KLHL8: variants seen among roughly 807,000 people sequenced by gnomAD.
KLHL8 encodes the protein kelch-like protein 8.
Under a neutral mutation model 63.5 loss-of-function variants are expected in KLHL8, and 38 were observed. The ratio of observed to expected loss-of-function variants is 0.60; its 90% confidence interval spans 0.46 to 0.78. The LOEUF (loss-of-function observed/expected upper bound fraction) is 0.78. KLHL8 is among the 30% of genes least tolerant of loss of function. The probability of loss-of-function intolerance (pLI) is 0.00; values close to 1 mark genes in which losing one functional copy is unlikely to be tolerated. For missense variants in KLHL8, 566 were observed against 752.4 expected (o/e 0.75, Z 2.90); for synonymous variants, 224 against 254.3 (o/e 0.88, Z 1.13).
chr4:87,226,874 T>A (rs1402718998), intron 1 of KLHL8, among the ~76,000 whole-genome samples: 1 of 40,558 alleles, frequency 2.5e-5, no homozygotes, highest in Non-Finnish European at 4.1e-5. Flanking sequence ...ATATTATATA[T>A]AAATAATATA....
chr4:87,191,962 G>C (rs1731511779), intron 2 of KLHL8, among the ~76,000 whole-genome samples: 1 of 152,078 alleles, frequency 6.6e-6, no homozygotes, highest in Admixed American at 6.6e-5. Flanking sequence ...CTATGGTTGT[G>C]TAGTATTCCA....
chr4:87,195,460 AT>A lies in KLHL8; in HGVS notation c.79del (p.Ile27Ter). Reference protein sequence around the residue: ...KGKRQQQHQQIKNRSSISDGD... With the variant: ...KGKRQQQHQQXKNRSSISDGD... ...ATCACTAATTGAGGATCTGTTCTTT[AT>A]TTGCTGGTGCTGTTGTTGCCTTTTC... On this transcript the variant is annotated frameshift_variant, in exon 2 of 10. Transcript: ENST00000273963. LOFTEE classifies it high-confidence loss of function. 1.2e-6 allele frequency: 2 copies of A among 1,613,888 alleles called. No individual in the cohort carries two copies. The highest frequency in any genetic ancestry group is 8.5e-7 in the Non-Finnish European group (1 of 1,179,896).
At chr4:87,223,829 C>G (rs1732925918), upstream of KLHL8, among the ~76,000 whole-genome samples, 1 of 152,098 alleles carries the variant, frequency 6.6e-6, no homozygotes, top group East Asian at 1.9e-4. Context: ...AAACAAAACA[C>G]ACATTTCCTA....
In KLHL8 at chr4:87,162,566, T is replaced by C. The variant is rs1054086320; in HGVS notation, c.*953A>G. ...TGATAATAAATAAATGCAGATTGAT[T>C]CTGTACAGTCAGAAAAACCAGGATG... On this transcript the variant is annotated 3_prime_UTR_variant, in exon 10 of 10. Transcript: ENST00000273963. 6 of 152,202 alleles carry C rather than the reference T, an allele frequency of 3.9e-5. No individual in the cohort carries two copies. The highest frequency in any genetic ancestry group is 1.4e-4 in the African/African-American group (6 of 41,458). 9.4% of individuals were successfully genotyped at this position (152,202 alleles called of 1,614,324 possible). A position where few individuals can be genotyped will look rare whatever the true frequency, so the allele number is the denominator to read the frequency against.
upstream of KLHL8, among the ~76,000 whole-genome samples, chr4:87,225,318 A>G (rs1445950936): frequency 1.3e-5 from 2 of 152,164 alleles, no homozygotes; most frequent in Non-Finnish European, 2.9e-5. Context: ...GCACTTAGTG[A>G]GCATTTTAAG....
At chr4:87,184,271 T>C (rs1003620232) in intron 3 of KLHL8, among the ~76,000 whole-genome samples, 1 of 152,250 alleles carries the variant, frequency 6.6e-6, no homozygotes, top group Non-Finnish European at 1.5e-5. Flanking sequence ...GTTCTGAACT[T>C]TGATACTCAT....
intron 2 of KLHL8, 103 bp from the exon 3 acceptor site, chr4:87,185,902 T>C (rs1731235414): frequency 2.1e-6 from 2 of 942,786 alleles, no homozygotes; most frequent in African/African-American, 3.3e-5. Context: ...CAGACAAATT[T>C]AGAGTATCTT....
chr4:87,214,865 C>T (rs763694121), intron 1 of KLHL8, among the ~76,000 whole-genome samples: 33 of 152,160 alleles, frequency 2.2e-4, no homozygotes, highest in Non-Finnish European at 3.5e-4. Flanking sequence ...GTGGCACAAT[C>T]TCAGCTCACT....
chr4:87,172,309 C>T (rs28505236), intron 6 of KLHL8, among the ~76,000 whole-genome samples: 1 of 152,012 alleles, frequency 6.6e-6, no homozygotes, highest in African/African-American at 2.4e-5. Flanking sequence ...TATCAATAAC[C>T]TAAATGGCCC....
At chr4:87,176,947 A>G in intron 5 of KLHL8, 79 bp from the exon 6 acceptor site, 2 of 661,602 alleles carry the variant, frequency 3.0e-6, no homozygotes, top group African/African-American at 1.9e-5. Context: ...TAAACATTAT[A>G]TAATTAAAAT....
rs1348090204 is a variant in KLHL8, at chr4:87,161,802, A to G, written c.*1717T>C. 1 of 152,186 alleles carries G rather than the reference A, an allele frequency of 6.6e-6. No homozygotes were observed. Among genetic ancestry groups the G allele is most frequent in the African/African-American group, 2.4e-5 (1 of 41,450 alleles). 9.4% of individuals were successfully genotyped at this position (152,186 alleles called of 1,614,324 possible). A position where few individuals can be genotyped will look rare whatever the true frequency, so the allele number is the denominator to read the frequency against. ...AATATGGTTGTACTTACACAAAAGA[A>G]CACTGGTTCAGATCCAGCAATGACT... On this transcript the variant is annotated 3_prime_UTR_variant, in exon 10 of 10. Transcript: ENST00000273963.
chr4:87,213,511 A>C (rs1191627387), intron 1 of KLHL8, among the ~76,000 whole-genome samples: 2 of 152,222 alleles, frequency 1.3e-5, no homozygotes, highest in African/African-American at 4.8e-5. Context: ...TGCTGAGCTT[A>C]CATAGAGTTT....
intron 1 of KLHL8, among the ~76,000 whole-genome samples, chr4:87,236,210 CTTT>C (rs35028616): frequency 9.6e-5 from 13 of 135,810 alleles, no homozygotes; most frequent in East Asian, 2.2e-4. Context: ...TTTCCTTTTC[CTTT>C]TTTTTTTTTT....
At chr4:87,201,971 A>G (rs1055354786) in intron 1 of KLHL8, among the ~76,000 whole-genome samples, 24 of 151,986 alleles carry the variant, frequency 1.6e-4, no homozygotes, top group South Asian at 2.1e-4. Flanking sequence ...AGCTGGGCGT[A>G]GTGGCAGGTG....
chr4:87,216,919 T>C (rs149384948), intron 1 of KLHL8, among the ~76,000 whole-genome samples: 57 of 152,304 alleles, frequency 3.7e-4, no homozygotes, highest in African/African-American at 6.0e-4. Flanking sequence ...TCTGGTAAAA[T>C]AGAAGTACGT....
chr4:87,170,291 T>C, intron 7 of KLHL8, 53 bp from the exon 8 acceptor site: 1 of 1,545,800 alleles, frequency 6.5e-7, no homozygotes. Context: ...TATTTATATA[T>C]TGTTTTAATG....
At chr4:87,212,444 G>A (rs568331626) in intron 1 of KLHL8, among the ~76,000 whole-genome samples, 1 of 152,208 alleles carries the variant, frequency 6.6e-6, no homozygotes, top group South Asian at 2.1e-4. Flanking sequence ...GCCAGGTGAG[G>A]TGGCTTGCAC....
chr4:87,188,642 G>C (rs1731354210), intron 2 of KLHL8, among the ~76,000 whole-genome samples: 1 of 152,084 alleles, frequency 6.6e-6, no homozygotes, highest in Admixed American at 6.6e-5. Context: ...GCTTTTTAAT[G>C]CACTGATTCT....
chr4:87,186,720 T>C (rs191504001), intron 2 of KLHL8, among the ~76,000 whole-genome samples: 15 of 152,166 alleles, frequency 9.9e-5, no homozygotes, highest in African/African-American at 3.6e-4. Flanking sequence ...GCTCAAGTGA[T>C]TCACGCACTT....
Sources: gnomAD v4.1 joint callset for allele counts (sites outside exome capture counted in the v4.1 genomes callset) on GRCh38, gnomAD v4.1.1 for gene constraint, MANE v1.5 for transcripts, NCBI Gene and HGNC (gene_info 2026-07-23, HGNC 2026-07-21) for gene names.